The following PCDH15 variants were observed in gnomAD, a reference collection of about 807,000 sequenced individuals.
The protein encoded by PCDH15 is protocadherin-15.
Under a neutral mutation model 178.5 loss-of-function variants are expected in PCDH15, and 129 were observed. That is an observed-to-expected ratio of 0.72 (90% confidence interval 0.63 to 0.84). PCDH15 has a LOEUF of 0.84. Ranked by LOEUF, PCDH15 falls within the 40% of genes least tolerant of loss-of-function variation. The pLI is 0.00. For synonymous variants in PCDH15, 800 were observed against 732.0 expected (o/e 1.09, Z -1.50); for missense variants, 2,230 against 2,099.9 (o/e 1.06, Z -1.21).
At position 54,752,486 on chromosome 10, in the gene PCDH15, AAAAAAC is replaced by A. The variant is rs1342639490; in HGVS notation, c.-29+48433_-29+48438del. On this transcript the variant is annotated intron_variant, in intron 1 of 37. Transcript: ENST00000644397. ...AACGAGACTCCGTCTCAAAAAAAAA[AAAAAAC>A]AAAAAACAAAAAACAAAAAACAAAC... Among the ~76,000 whole-genome samples the A allele has an allele frequency of 2.7e-3, 247 of 92,752 alleles. 12 individuals carry two copies. The highest frequency in any genetic ancestry group is 5.8e-3 in the African/African-American group (157 of 26,918). 60.8% of individuals were successfully genotyped at this position (92,752 alleles called of 152,430 possible).
chr10:54,338,177 AGACT>A (rs1941556019), intron 6 of PCDH15, among the ~76,000 whole-genome samples: 1 of 152,172 alleles, frequency 6.6e-6, no homozygotes, highest in Non-Finnish European at 1.5e-5. Flanking sequence ...TGGTGTGAAA[AGACT>A]GAGGTTCGAA....
At chr10:53,938,630 A>G (rs1408383327) in intron 25 of PCDH15, among the ~76,000 whole-genome samples, 185 bp downstream of exon 25, 1 of 152,172 alleles carries the variant, frequency 6.6e-6, no homozygotes, top group Non-Finnish European at 1.5e-5. Context: ...ACATTTCAGG[A>G]GTATGAAATC....
At chr10:55,296,768 T>C (rs1265446732) in intron 1 of PCDH15, among the ~76,000 whole-genome samples, 1 of 152,120 alleles carries the variant, frequency 6.6e-6, no homozygotes, top group East Asian at 1.9e-4. Context: ...TCTGTGTGTA[T>C]AGTTCCATAA....
chr10:55,496,404 T>C (rs1840535706), intron 2 of PCDH15, among the ~76,000 whole-genome samples: 2 of 151,920 alleles, frequency 1.3e-5, no homozygotes, highest in South Asian at 4.1e-4. Context: ...GATAATATGA[T>C]TTCATAAAAT....
intron 1 of PCDH15, among the ~76,000 whole-genome samples, chr10:55,199,381 A>G (rs2132156620): frequency 6.6e-6 from 1 of 152,214 alleles, no homozygotes; most frequent in Middle Eastern, 3.4e-3. Flanking sequence ...TATCTGGCAG[A>G]AGAAATTTCT....
At chr10:54,578,739 G>C (rs773273892) in intron 2 of PCDH15, among the ~76,000 whole-genome samples, 38 of 151,994 alleles carry the variant, frequency 2.5e-4, no homozygotes, top group Non-Finnish European at 4.1e-4. Flanking sequence ...TTTCCACAAA[G>C]TTCGAATGGC....
chr10:54,651,727 A>T (rs1411747553), intron 2 of PCDH15, among the ~76,000 whole-genome samples: 1 of 152,228 alleles, frequency 6.6e-6, no homozygotes, highest in Non-Finnish European at 1.5e-5. Context: ...GAGAAAATGA[A>T]GAATTTCACA....
intron 7 of PCDH15, among the ~76,000 whole-genome samples, chr10:54,325,074 T>C (rs1238861149): frequency 6.6e-6 from 1 of 152,136 alleles, no homozygotes; most frequent in African/African-American, 2.4e-5. Context: ...TATGTATTTA[T>C]ATTTGAAGTC....
intron 2 of PCDH15, among the ~76,000 whole-genome samples, chr10:54,660,423 T>C (rs2094472552): frequency 6.6e-6 from 1 of 151,914 alleles, no homozygotes; most frequent in Admixed American, 6.6e-5. Flanking sequence ...AGGAGGAAAT[T>C]GAAATCCTGA....
intron 2 of PCDH15, among the ~76,000 whole-genome samples, chr10:55,394,793 T>C (rs1213246204): frequency 6.6e-6 from 1 of 152,060 alleles, no homozygotes; most frequent in Non-Finnish European, 1.5e-5. Context: ...TTTGGATATA[T>C]TATAAAAATC....
chr10:54,189,925 A>ATGTGTG (rs57024579), intron 11 of PCDH15, among the ~76,000 whole-genome samples: 12,079 of 141,390 alleles, frequency 0.085, 596 homozygotes, highest in Admixed American at 0.14. Flanking sequence ...ATGCATGTGT[A>ATGTGTG]TGTGTGTGTG....
At chr10:53,943,527 A>C (rs749585161) in intron 23 of PCDH15, among the ~76,000 whole-genome samples, 5 of 152,046 alleles carry the variant, frequency 3.3e-5, no homozygotes, top group Non-Finnish European at 7.4e-5. Flanking sequence ...GAAAAGAAAA[A>C]TGCTATGTCT....
At chr10:54,301,626 G>C (rs1013962763) in intron 8 of PCDH15, among the ~76,000 whole-genome samples, 1 of 152,182 alleles carries the variant, frequency 6.6e-6, no homozygotes, top group Non-Finnish European at 1.5e-5. Context: ...ACTGGGCCTT[G>C]ATATAACTCT....
At chr10:54,272,132 T>C (rs2058089750) in intron 8 of PCDH15, among the ~76,000 whole-genome samples, 1 of 150,198 alleles carries the variant, frequency 6.7e-6, no homozygotes, top group South Asian at 2.1e-4. Context: ...ATTCACCTAG[T>C]ATTTTTAAAT....
intron 26 of PCDH15, among the ~76,000 whole-genome samples, chr10:53,895,234 T>C (rs2081873208): frequency 6.6e-6 from 1 of 152,108 alleles, no homozygotes; most frequent in Non-Finnish European, 1.5e-5. Flanking sequence ...TTTCTATACC[T>C]TTTGCTACTA....
At chr10:54,541,492 C>A (rs1333899098) in intron 2 of PCDH15, among the ~76,000 whole-genome samples, 1 of 152,146 alleles carries the variant, frequency 6.6e-6, no homozygotes, top group East Asian at 1.9e-4. Context: ...ATAAACAACT[C>A]TTTTTTGATA....
chr10:54,152,696 G>C (rs1468360908), intron 14 of PCDH15, among the ~76,000 whole-genome samples: 1 of 151,944 alleles, frequency 6.6e-6, no homozygotes, highest in Non-Finnish European at 1.5e-5. Flanking sequence ...GTGTGTGTGT[G>C]TGTGTGTGTC....
At chr10:53,808,735 T>G (rs543824760) in intron 37 of PCDH15, 4 of 1,613,156 alleles carry the variant, frequency 2.5e-6, no homozygotes, top group Non-Finnish European at 3.4e-6. Context: ...TCCTGGCGAC[T>G]TCTTTTGGTT....
chr10:55,070,519 C>A (rs907551156), intron 2 of PCDH15, among the ~76,000 whole-genome samples: 26 of 152,172 alleles, frequency 1.7e-4, no homozygotes, highest in Admixed American at 5.2e-4. Flanking sequence ...TTCCCAGCAC[C>A]ATTTTTTAAA....
Sources: gnomAD v4.1 joint callset for allele counts (sites outside exome capture counted in the v4.1 genomes callset) on GRCh38, gnomAD v4.1.1 for gene constraint, MANE v1.5 for transcripts, NCBI Gene and HGNC (gene_info 2026-07-23, HGNC 2026-07-21) for gene names.